Variants in CRAMP1 observed in about 807,000 individuals in gnomAD.
The protein encoded by CRAMP1 is cramped chromatin regulator 1, also known as protein cramped-like.
In CRAMP1, 50 loss-of-function variants were observed where a neutral mutation model predicts 115.4. The ratio of observed to expected loss-of-function variants is 0.43; its 90% confidence interval spans 0.35 to 0.55. CRAMP1 has a LOEUF of 0.55. Ranked by LOEUF, CRAMP1 falls within the 20% of genes least tolerant of loss-of-function variation. The pLI is 0.01. For synonymous variants in CRAMP1, 866 were observed against 745.4 expected (o/e 1.16, Z -2.64); for missense variants, 1,679 against 1,721.7 (o/e 0.98, Z 0.44).
intron 6 of CRAMP1, among the ~76,000 whole-genome samples, chr16:1,649,701 G>C (rs1304478011): frequency 6.6e-6 from 1 of 151,720 alleles, no homozygotes; most frequent in Admixed American, 6.6e-5. Context: ...GTGTTAACCA[G>C]GATGGTCTCG....
Position 1,674,129 on chromosome 16 carries a change from A to G in CRAMP1, c.*84A>G, listed in dbSNP as rs1248663567. The G allele has an allele frequency of 7.3e-7, 1 of 1,374,202 alleles. No homozygotes were observed. The highest frequency in any genetic ancestry group is 1.0e-6 in the Non-Finnish European group (1 of 1,004,582). 85.1% of individuals were successfully genotyped at this position (1,374,202 alleles called of 1,614,324 possible). On this transcript the variant is annotated 3_prime_UTR_variant, in exon 21 of 21. Coordinates refer to ENST00000397412, the MANE Select transcript of CRAMP1 (RefSeq NM_020825.4). ...AGCAGCCCCAGAAGATGGTCTGAAC[A>G]GAGGCATCTCCGCACCCAAGACTGT...
chr16:1,668,067 C>G lies in CRAMP1; in HGVS notation c.3208C>G (p.Pro1070Ala), dbSNP rs201809618. 74 of 1,613,802 alleles carry G rather than the reference C, an allele frequency of 4.6e-5. No homozygotes were observed. The highest frequency in any genetic ancestry group is 5.9e-5 in the Non-Finnish European group (70 of 1,179,872). The change falls in exon 18 of 21, where the codon CCA becomes GCA. Residue 1070 changes from proline to alanine, a missense_variant. Physicochemically the swap from Pro to Ala is conservative, Grantham distance 27. This residue lies in a region of CRAMP1 where 709 missense variants were observed against 741.9 expected (regional missense o/e 0.96). Transcript: ENST00000397412. The stretch of plus-strand genomic sequence containing the variant: ...GAGCTCCAGCACCCGGCTGTCTCCA[C>G]CAGACGTCTCTGCTCTGCTCGACAT... ...SESSSTRLSP[P>A]DVSALLDISL...
rs768712389 is a variant in CRAMP1, at chr16:1,656,581, T to C, written c.1824T>C (p.Ala608=). The C allele has an allele frequency of 1.3e-6, 2 of 1,562,134 alleles. No homozygotes were observed. Among genetic ancestry groups the C allele is most frequent in the East Asian group, 4.8e-5 (2 of 41,748 alleles). The change falls in exon 10 of 21, where the codon GCT becomes GCC. Residue 608 remains alanine, a synonymous_variant. Transcript: ENST00000397412. This position sits in a 1 kb window ranked among gnomAD's most constrained non-coding sequence, Gnocchi z 5.6. The part of the protein sequence containing the change: ...EVLAPVSKEA[A]DLAPTGPSPR... Reference sequence around the variant, plus strand: ...TGGCTCCTGTCAGCAAGGAGGCTGCTGACCTTGCTCCCACTGGCCCATCCC... The same window carrying C: ...TGGCTCCTGTCAGCAAGGAGGCTGCCGACCTTGCTCCCACTGGCCCATCCC...
chr16:1,648,565 G>A (rs1177285189), intron 6 of CRAMP1, among the ~76,000 whole-genome samples: 5 of 149,408 alleles, frequency 3.3e-5, no homozygotes, highest in African/African-American at 1.2e-4. Flanking sequence ...AGATTGCACC[G>A]CTGCACTCCA....
At chr16:1,621,929 G>A (rs778291031) in intron 2 of CRAMP1, among the ~76,000 whole-genome samples, 116 of 152,132 alleles carry the variant, frequency 7.6e-4, no homozygotes, top group Non-Finnish European at 1.4e-3. Context: ...TTACCTTTCC[G>A]TCTCTTGCCT....
chr16:1,637,866 G>T lies in CRAMP1; in HGVS notation c.737G>T (p.Gly246Val). Residue 246 changes from glycine (G) to valine (V), a missense_variant, in exon 5 of 21, where the codon GGC (glycine) becomes GTC (valine). Physicochemically the swap from Gly to Val is moderately radical, Grantham distance 109. Around this residue, in one of 8 missense-constraint regions of CRAMP1, gnomAD observed 42 missense variants for 42.3 expected, o/e 0.99. Coordinates refer to ENST00000397412, the MANE Select transcript of CRAMP1 (RefSeq NM_020825.4). Reference sequence around the variant, plus strand: ...AAGAAGTCATCCCAGGAACTGTATGGCCTGATCTGCTATGGCGAGCTGCGC... The same window carrying T: ...AAGAAGTCATCCCAGGAACTGTATGTCCTGATCTGCTATGGCGAGCTGCGC... ...GLKKSSQELY[G>V]LICYGELRKK... is the part of the protein sequence containing the mutation. 6.4e-7 allele frequency: 1 copy of T among 1,571,384 alleles called. No individual in the cohort carries two copies. The highest frequency in any genetic ancestry group is 8.6e-7 in the Non-Finnish European group (1 of 1,161,072).
chr16:1,638,103 C>T (rs899453288), intron 5 of CRAMP1, among the ~76,000 whole-genome samples, 196 bp downstream of exon 5: 6 of 152,210 alleles, frequency 3.9e-5, no homozygotes, highest in African/African-American at 1.4e-4. Flanking sequence ...TACATTTGCT[C>T]TCTTTCTCCA....
At chr16:1,657,361 C>T (rs925163927) in intron 10 of CRAMP1, among the ~76,000 whole-genome samples, 2 of 152,208 alleles carry the variant, frequency 1.3e-5, no homozygotes, top group East Asian at 1.9e-4. Context: ...CCTTGTGAGC[C>T]GCCTCGTGTT....
chr16:1,656,947 C>T lies in CRAMP1; in HGVS notation c.2190C>T (p.Leu730=), dbSNP rs1482575670. The T allele has an allele frequency of 2.6e-6, 4 of 1,559,246 alleles. No individual in the cohort carries two copies. Among genetic ancestry groups the T allele is most frequent in the Non-Finnish European group, 3.5e-6 (4 of 1,151,054 alleles). Residue 730 remains leucine, a synonymous_variant, in exon 10 of 21, where the codon CTC becomes CTT. Transcript: ENST00000397412. The surrounding 1 kb of genome is among the most constrained non-coding windows in gnomAD (Gnocchi z 5.6). ...LPTALHKQRL[L]SCLLKLISTE... is the part of the protein sequence containing the mutation. ...CCGCCCTCCACAAGCAGCGCCTCCTCAGCTGCCTCCTGAAGCTCATTTCCA... is the reference window on the plus strand; with the variant it reads ...CCGCCCTCCACAAGCAGCGCCTCCTTAGCTGCCTCCTGAAGCTCATTTCCA...
chr16:1,629,414 C>G (rs553256854), intron 3 of CRAMP1, among the ~76,000 whole-genome samples: 1 of 152,180 alleles, frequency 6.6e-6, no homozygotes, highest in African/African-American at 2.4e-5. Context: ...TTCTCATTGC[C>G]GTTACCGTGT....
At chr16:1,612,736 G>A (rs1245524972) in intron 1 of CRAMP1, among the ~76,000 whole-genome samples, 79 bp downstream of exon 1, 2 of 152,270 alleles carry the variant, frequency 1.3e-5, no homozygotes, top group East Asian at 1.9e-4. Flanking sequence ...GAGAGCGCGG[G>A]GGGGGCGTCG....
chr16:1,644,486 G>C (rs1483515254), intron 6 of CRAMP1, among the ~76,000 whole-genome samples: 2 of 152,200 alleles, frequency 1.3e-5, no homozygotes, highest in African/African-American at 4.8e-5. Flanking sequence ...ATGTGGTGTA[G>C]ACATGTACAG....
At position 1,646,576 on chromosome 16, in the gene CRAMP1, A is replaced by G. The variant is rs78410076; in HGVS notation, c.827+5389A>G. 3.6e-3 allele frequency among the ~76,000 whole-genome samples: 547 copies of G among 152,278 alleles called. 2 individuals carry two copies. Among genetic ancestry groups the G allele is most frequent in the African/African-American group, 0.013 (522 of 41,538 alleles). ...ATTGTAGACACAAGTCTTCTGTTGG[A>G]TACTCCATCTGCAAATACTTTCTCC... On this transcript the variant is annotated intron_variant, in intron 6 of 20. Transcript: ENST00000397412.
rs1336134099 is a variant in CRAMP1 at position 1,673,882 on chromosome 16, T to C, written c.3647T>C (p.Val1216Ala). ...TCTTCCTGTCTCCTCTTCCTGCAGG[T>C]TGTGGATTCCCAGCTGGTGTGCATG... ...VSRSLADVAE[V>A]VDSQLVCMMN... The change falls in exon 21 of 21, where the codon GTT (valine) becomes GCT (alanine). Residue 1216 changes from valine (V) to alanine (A), a missense_variant and splice_region_variant. Val to Ala is a moderately conservative substitution (Grantham distance 64). Coordinates refer to ENST00000397412, the MANE Select transcript of CRAMP1 (RefSeq NM_020825.4). 2 of 1,613,698 alleles carry C rather than the reference T, an allele frequency of 1.2e-6. No individual in the cohort carries two copies. Among genetic ancestry groups the C allele is most frequent in the Admixed American group, 3.3e-5 (2 of 60,016 alleles).
intron 6 of CRAMP1, 34 bp from the exon 7 acceptor site, chr16:1,652,462 A>G (rs1302553675): frequency 1.3e-6 from 2 of 1,530,094 alleles, no homozygotes; most frequent in Non-Finnish European, 1.8e-6. Context: ...GTTCACTCAC[A>G]GGCCTCAGCG....
At chr16:1,646,909 C>T (rs2036679948) in intron 6 of CRAMP1, 1 of 611,422 alleles carries the variant, frequency 1.6e-6, no homozygotes, top group Admixed American at 2.7e-5. Flanking sequence ...ACTGTCTCTC[C>T]TCCATTGAGT....
At chr16:1,643,179 A>G (rs1052349324) in intron 6 of CRAMP1, among the ~76,000 whole-genome samples, 3 of 152,052 alleles carry the variant, frequency 2.0e-5, no homozygotes, top group Non-Finnish European at 4.4e-5. Context: ...GAGTGATGAC[A>G]GGGTTGTGGC....
rs565146705 is a variant in CRAMP1, at chr16:1,672,920, C to G, written c.3646-961C>G. Among the ~76,000 whole-genome samples the G allele has an allele frequency of 6.6e-5, 10 of 152,408 alleles. No individual in the cohort carries two copies. Among genetic ancestry groups the G allele is most frequent in the Non-Finnish European group, 1.3e-4 (9 of 68,046 alleles). ...CTTTTCAGTCAAAGCCTCTTCCTGT[C>G]TCAGGGAACATGCCTGTTGCTTCTT... On this transcript the variant is annotated intron_variant, in intron 20 of 20. Coordinates refer to ENST00000397412, the MANE Select transcript of CRAMP1 (RefSeq NM_020825.4). This position sits in a 1 kb window ranked among gnomAD's most constrained non-coding sequence, Gnocchi z 4.9.
rs1385544991 is a variant in CRAMP1 at position 1,614,807 on chromosome 16, C to T, written c.168C>T (p.Ala56=). ...KRDEKTPRAG[A]DGPPAPPGAP... Reference sequence around the variant, plus strand: ...ACGAGAAGACCCCCCGGGCCGGCGCCGACGGCCCCCCCGCGCCCCCCGGCG... The same window carrying T: ...ACGAGAAGACCCCCCGGGCCGGCGCTGACGGCCCCCCCGCGCCCCCCGGCG... Residue 56 remains alanine (A), a synonymous_variant, in exon 2 of 21, where the codon GCC becomes GCT. Coordinates refer to ENST00000397412, the MANE Select transcript of CRAMP1 (RefSeq NM_020825.4). The surrounding 1 kb of genome is among the most constrained non-coding windows in gnomAD (Gnocchi z 4.4). The T allele has an allele frequency of 1.6e-6, 2 of 1,282,062 alleles. No homozygotes were observed. Among genetic ancestry groups the T allele is most frequent in the Non-Finnish European group, 2.0e-6 (2 of 1,017,198 alleles). The allele number at this position is 1,282,062 out of a possible 1,614,324, so 79.4% of individuals were successfully genotyped here.
Sources: allele counts gnomAD v4.1 joint callset (sites outside exome capture counted in the v4.1 genomes callset), GRCh38; gene constraint gnomAD v4.1.1; regional missense constraint gnomAD v4.1.1; non-coding constraint Gnocchi (gnomAD v3.1); transcripts MANE v1.5; gene names NCBI Gene and HGNC (gene_info 2026-07-23, HGNC 2026-07-21).